The following APP variants were observed in gnomAD, a reference collection of about 807,000 sequenced individuals.
APP encodes amyloid-beta precursor protein.
Under a neutral mutation model 101.4 loss-of-function variants are expected in APP, and 31 were observed. The observed-to-expected ratio is 0.31, with a 90% CI of 0.23 to 0.41. The LOEUF (loss-of-function observed/expected upper bound fraction) is 0.41. Ranked by LOEUF, APP falls within the 10% of genes least tolerant of loss-of-function variation. The pLI is 1.00. For missense variants in APP, 839 were observed against 1,003.7 expected, an observed-to-expected ratio of 0.84 and a Z score of 2.22; for synonymous variants, 366 against 364.4, an observed-to-expected ratio of 1.00 and a Z score of -0.05.
intron 5 of APP, among the ~76,000 whole-genome samples, chr21:26,029,402 C>T (rs1276547953): frequency 6.6e-6 from 1 of 152,118 alleles, no homozygotes; most frequent in African/African-American, 2.4e-5. Context: ...TGTATAAATG[C>T]AAAATTACTG....
intron 16 of APP, among the ~76,000 whole-genome samples, chr21:25,896,703 A>G (rs139700998): frequency 3.5e-4 from 53 of 152,272 alleles, no homozygotes; most frequent in Non-Finnish European, 6.0e-4. Context: ...CAATTCTAAC[A>G]TTAGGGGGGA....
At chr21:26,030,580 A>C (rs114751959) in intron 5 of APP, among the ~76,000 whole-genome samples, 1 of 152,242 alleles carries the variant, frequency 6.6e-6, no homozygotes. Flanking sequence ...GTAAAAGGCT[A>C]AATTGCTTTT....
At chr21:25,932,941 A>G (rs1176492239) in intron 13 of APP, among the ~76,000 whole-genome samples, 5 of 152,338 alleles carry the variant, frequency 3.3e-5, no homozygotes, top group African/African-American at 1.2e-4. Flanking sequence ...GTTAAGTACC[A>G]TAGTGCTCCA....
intron 2 of APP, among the ~76,000 whole-genome samples, chr21:26,103,399 A>C (rs1380548535): frequency 1.3e-5 from 2 of 152,108 alleles, no homozygotes; most frequent in African/African-American, 4.8e-5. Flanking sequence ...ACTAGAGTTC[A>C]AGACCAGCCT....
chr21:26,016,489 C>T (rs1394004972), intron 6 of APP, among the ~76,000 whole-genome samples: 1 of 152,214 alleles, frequency 6.6e-6, no homozygotes, highest in Non-Finnish European at 1.5e-5. Flanking sequence ...GTAATTTTGA[C>T]ATGAGTGTAG....
intron 11 of APP, among the ~76,000 whole-genome samples, chr21:25,968,598 T>C (rs557337485): frequency 2.0e-5 from 3 of 152,322 alleles, no homozygotes; most frequent in South Asian, 2.1e-4. Context: ...ACATACAGTA[T>C]ACTCAGACAC....
intron 3 of APP, 44 bp downstream of exon 3, chr21:26,089,899 A>C (rs2061786035): frequency 1.9e-6 from 3 of 1,612,970 alleles, no homozygotes; most frequent in Non-Finnish European, 2.5e-6. Context: ...TTCCCTCAAG[A>C]CCAGGCCCCC....
chr21:25,960,714 G>A (rs1041599571), intron 11 of APP, among the ~76,000 whole-genome samples: 5 of 152,214 alleles, frequency 3.3e-5, no homozygotes, highest in Non-Finnish European at 7.4e-5. Flanking sequence ...GCTGAGATGC[G>A]CATTTTGTGT....
intron 17 of APP, among the ~76,000 whole-genome samples, chr21:25,887,955 T>G (rs1476811847): frequency 6.6e-6 from 1 of 152,198 alleles, no homozygotes. Flanking sequence ...ATTTATACAT[T>G]TGTTCTCAGG....
intron 10 of APP, 88 bp downstream of exon 10, chr21:25,975,866 G>A: frequency 2.0e-6 from 2 of 1,022,622 alleles, no homozygotes; most frequent in South Asian, 1.3e-5. Flanking sequence ...CACACGTGAG[G>A]TGCTGGCAGA....
intron 4 of APP, among the ~76,000 whole-genome samples, chr21:26,051,642 T>C (rs2045844154): frequency 6.6e-6 from 1 of 152,228 alleles, no homozygotes; most frequent in Non-Finnish European, 1.5e-5. Flanking sequence ...CTAGAAATTC[T>C]GACTCTCTTG....
chr21:26,115,513 A>C (rs1489936898), intron 1 of APP, among the ~76,000 whole-genome samples: 1 of 152,234 alleles, frequency 6.6e-6, no homozygotes, highest in Non-Finnish European at 1.5e-5. Context: ...CCTGCATCAA[A>C]TAACCCATTT....
intron 13 of APP, chr21:25,928,779 G>C (rs531320573): frequency 9.8e-5 from 14 of 143,550 alleles, no homozygotes; most frequent in African/African-American, 3.2e-4. Context: ...ACTGGAGACA[G>C]AGTCTTGCTC....
intron 3 of APP, among the ~76,000 whole-genome samples, chr21:26,076,580 T>C (rs933000756): frequency 6.6e-6 from 1 of 152,172 alleles, no homozygotes; most frequent in African/African-American, 2.4e-5. Context: ...AGCCCTAAAG[T>C]CTATCAAATG....
chr21:26,077,898 G>C (rs983840673), intron 3 of APP, among the ~76,000 whole-genome samples: 5 of 151,984 alleles, frequency 3.3e-5, no homozygotes, highest in African/African-American at 1.2e-4. Flanking sequence ...TGATAAAAGA[G>C]AAAGACGACA....
chr21:25,909,140 A>G (rs112675219), intron 14 of APP, among the ~76,000 whole-genome samples: 40 of 152,020 alleles, frequency 2.6e-4, no homozygotes, highest in African/African-American at 9.4e-4. Flanking sequence ...GCGGGTACCT[A>G]TAGTCCCAGC....
intron 3 of APP, among the ~76,000 whole-genome samples, chr21:26,065,160 C>T (rs541866198): frequency 1.6e-4 from 25 of 152,196 alleles, no homozygotes; most frequent in African/African-American, 5.5e-4. Flanking sequence ...GGCCCACTCC[C>T]GGATTTCTTA....
At chr21:26,038,142 T>C (rs2045205038) in intron 5 of APP, among the ~76,000 whole-genome samples, 1 of 152,114 alleles carries the variant, frequency 6.6e-6, no homozygotes, top group Non-Finnish European at 1.5e-5. Context: ...CATCATACTT[T>C]CTAGTCCTTT....
intron 13 of APP, among the ~76,000 whole-genome samples, chr21:25,944,927 A>AT (rs1473014774): frequency 2.0e-5 from 3 of 152,148 alleles, no homozygotes; most frequent in African/African-American, 7.2e-5. Context: ...TTCTTTTTAG[A>AT]TTTTGTTTCA....
Sources: gnomAD v4.1 joint callset for allele counts (sites outside exome capture counted in the v4.1 genomes callset) on GRCh38, gnomAD v4.1.1 for gene constraint, MANE v1.5 for transcripts, NCBI Gene and HGNC (gene_info 2026-07-23, HGNC 2026-07-21) for gene names.